The following DNAH12 variants were observed in gnomAD, a reference collection of about 807,000 sequenced individuals.
The protein encoded by DNAH12 is dynein axonemal heavy chain 12, also known as axonemal beta dynein heavy chain 12.
In DNAH12, 285 loss-of-function variants were observed where a neutral mutation model predicts 371.5. The observed-to-expected ratio is 0.77, with a 90% confidence interval of 0.70 to 0.85. The LOEUF (loss-of-function observed/expected upper bound fraction) is 0.85, where lower values mean the gene tolerates loss of function less well. Among genes scored for constraint, DNAH12 ranks in the 40% least tolerant of loss-of-function variants. DNAH12 has a pLI of 0.00. For synonymous variants in DNAH12, 1,200 were observed against 1,213.0 expected (o/e 0.99, Z 0.22); for missense variants, 3,611 against 3,689.4 (o/e 0.98, Z 0.55).
At chr3:57,332,415 A>G (rs1434018775) in intron 62 of DNAH12, among the ~76,000 whole-genome samples, 1 of 152,242 alleles carries the variant, frequency 6.6e-6, no homozygotes, top group Non-Finnish European at 1.5e-5. Flanking sequence ...AACAATTTAA[A>G]AAACAGGCAC....
intron 59 of DNAH12, among the ~76,000 whole-genome samples, chr3:57,354,063 C>T (rs1236762486): frequency 2.0e-5 from 3 of 152,106 alleles, no homozygotes; most frequent in South Asian, 2.1e-4. Context: ...CATAAAGACA[C>T]GTATGCGTAT....
intron 11 of DNAH12, among the ~76,000 whole-genome samples, chr3:57,492,383 C>T (rs1575679149): frequency 6.6e-6 from 1 of 151,878 alleles, no homozygotes; most frequent in South Asian, 2.1e-4. Context: ...TTGCTTGAAC[C>T]CAGGAAGCGG....
At chr3:57,306,138 C>G (rs987867435) in intron 69 of DNAH12, among the ~76,000 whole-genome samples, 7 of 152,264 alleles carry the variant, frequency 4.6e-5, no homozygotes, top group Admixed American at 6.5e-5. Flanking sequence ...AGATCTTCTC[C>G]GCTTAGCGGC....
At position 57,489,789 on chromosome 3, in the gene DNAH12, T is replaced by C. The variant is rs1042972650; in HGVS notation, c.1336-102A>G. On this transcript the variant is annotated intron_variant, in intron 11 of 73. Transcript: ENST00000495027. ...AGTCCTAATTATATAAATACAACTT[T>C]ATTTCTTTTTTGCTAAGTGACTAAA... The C allele has an allele frequency of 4.6e-5, 56 of 1,204,898 alleles. No homozygotes were observed. In the African/African-American group the frequency reaches 8.8e-4, roughly 19 times the overall value. The allele number at this position is 1,204,898 out of a possible 1,614,324, so 74.6% of individuals were successfully genotyped here.
intron 55 of DNAH12, among the ~76,000 whole-genome samples, chr3:57,368,641 T>G (rs904686114): frequency 1.5e-4 from 23 of 152,156 alleles, no homozygotes; most frequent in African/African-American, 5.1e-4. Flanking sequence ...CTATAAAATA[T>G]TTGATAAACA....
In DNAH12 at chr3:57,444,283, A is replaced by AT. The variant is rs555113405; in HGVS notation, c.4545+413dup. ...AAGAACATTACTTTTTTTAATTTTT[A>AT]TTTTTTTTGAGACAGAGTCTTGCTC... is the stretch of plus-strand genomic sequence containing the variant. On this transcript the variant is annotated intron_variant, in intron 29 of 73. Transcript: ENST00000495027. 9.9e-5 allele frequency among the ~76,000 whole-genome samples: 15 copies of AT among 151,556 alleles called. No homozygotes were observed. The East Asian group carries it at 2.3e-3, about 24-fold the overall frequency.
chr3:57,345,550 T>C (rs1335706377), intron 60 of DNAH12, among the ~76,000 whole-genome samples: 2 of 152,190 alleles, frequency 1.3e-5, no homozygotes, highest in African/African-American at 4.8e-5. Context: ...CTTGAGATGA[T>C]GAGCATCACC....
intron 69 of DNAH12, among the ~76,000 whole-genome samples, chr3:57,302,430 T>C (rs2061366074): frequency 6.7e-6 from 1 of 149,904 alleles, no homozygotes; most frequent in Non-Finnish European, 1.5e-5. Flanking sequence ...GTGAGAGTTT[T>C]TAGGCTAGAA....
intron 43 of DNAH12, among the ~76,000 whole-genome samples, chr3:57,397,634 C>G (rs2063772627): frequency 6.6e-6 from 1 of 152,144 alleles, no homozygotes; most frequent in African/African-American, 2.4e-5. Flanking sequence ...AGATCAAGGG[C>G]AGAGGAATAC....
At chr3:57,332,519 C>T (rs1224112496) in intron 62 of DNAH12, among the ~76,000 whole-genome samples, 2 of 152,208 alleles carry the variant, frequency 1.3e-5, no homozygotes, top group Non-Finnish European at 2.9e-5. Flanking sequence ...GCTATTCTCT[C>T]AGCTTTCTTC....
intron 62 of DNAH12, among the ~76,000 whole-genome samples, chr3:57,331,848 C>T (rs191730675): frequency 1.4e-4 from 22 of 152,130 alleles, no homozygotes; most frequent in Admixed American, 4.6e-4. Flanking sequence ...AGTGAGAGTC[C>T]CCTACCCTCT....
intron 62 of DNAH12, among the ~76,000 whole-genome samples, chr3:57,334,189 T>C (rs752333229): frequency 6.6e-6 from 1 of 152,214 alleles, no homozygotes; most frequent in East Asian, 1.9e-4. Flanking sequence ...AAAGTATCAA[T>C]TACATTATAT....
At chr3:57,553,975 C>G in the DNAH12 span, among the ~76,000 whole-genome samples, 59 of 151,524 alleles carry the variant, frequency 3.9e-4, no homozygotes, top group Non-Finnish European at 1.9e-4. Flanking sequence ...CAGGCGAACA[C>G]CACTGCGCCC....
At chr3:57,488,669 C>T (rs766142849) in intron 12 of DNAH12, among the ~76,000 whole-genome samples, 6 of 152,106 alleles carry the variant, frequency 3.9e-5, no homozygotes, top group Non-Finnish European at 5.9e-5. Context: ...TAATAGTTAA[C>T]ATTTATTGAG....
At chr3:57,499,403 C>A (rs1255301009) in intron 11 of DNAH12, among the ~76,000 whole-genome samples, 1 of 151,114 alleles carries the variant, frequency 6.6e-6, no homozygotes, top group African/African-American at 2.4e-5. Context: ...GTTAATTTCT[C>A]TTGAAATTAA....
At position 57,314,607 on chromosome 3, in the gene DNAH12, C is replaced by A. The variant is rs1220780399; in HGVS notation, c.10549G>T (p.Val3517Phe). The A allele has an allele frequency of 6.5e-7, 1 of 1,548,638 alleles. No individual in the cohort carries two copies. The highest frequency in any genetic ancestry group is 1.2e-5 in the South Asian group (1 of 83,030). The change falls in exon 66 of 74, where the codon GTT becomes TTT. Residue 3517 changes from valine (V) to phenylalanine (F), a missense_variant. Val to Phe is a conservative substitution (Grantham distance 50). Coordinates refer to ENST00000495027, the MANE Select transcript of DNAH12 (RefSeq NM_001366028.2). The stretch of plus-strand genomic sequence containing the variant: ...TGCACAAGGGCATGAAAAAAACAAA[C>A]TCCAAACAGTAACTTCTCCCAGGCC... ...ELAWEKLLFG[V>F]CFFHALVQER...
intron 34 of DNAH12, among the ~76,000 whole-genome samples, chr3:57,427,137 A>AGTGTGTGTGTGTGTGT (rs1559646432): frequency 1.4e-5 from 1 of 70,516 alleles, no homozygotes; most frequent in Non-Finnish European, 3.2e-5. Flanking sequence ...GTAAGAAGCG[A>AGTGTGTGTGTGTGTGT]ATGTGTGTGT....
intron 13 of DNAH12, among the ~76,000 whole-genome samples, chr3:57,474,235 A>T (rs910518838): frequency 6.6e-6 from 1 of 152,222 alleles, no homozygotes. Flanking sequence ...ACATTCCAAA[A>T]TAATCTTCAG....
At chr3:57,380,656 G>T (rs1189554837) in intron 50 of DNAH12, among the ~76,000 whole-genome samples, 2 of 152,036 alleles carry the variant, frequency 1.3e-5, no homozygotes, top group African/African-American at 4.8e-5. Flanking sequence ...GTAGAGAGGG[G>T]GTTTCACCAT....
Sources: allele counts gnomAD v4.1 joint callset (sites outside exome capture counted in the v4.1 genomes callset), GRCh38; gene constraint gnomAD v4.1.1; transcripts MANE v1.5; gene names NCBI Gene and HGNC (gene_info 2026-07-23, HGNC 2026-07-21).